The following PCDHGA5 variants were observed in gnomAD, a reference collection of about 807,000 sequenced individuals.
PCDHGA5 encodes protocadherin gamma subfamily A, 5, also known as protocadherin gamma-A5.
Under a neutral mutation model 56.7 loss-of-function variants are expected in PCDHGA5, and 36 were observed. That is an observed-to-expected ratio of 0.64 (90% confidence interval 0.49 to 0.84). The LOEUF (loss-of-function observed/expected upper bound fraction) is 0.84. PCDHGA5 is among the 40% of genes least tolerant of loss of function. PCDHGA5 has a pLI of 0.00. For synonymous variants in PCDHGA5, 563 were observed against 520.2 expected, an observed-to-expected ratio of 1.08 and a Z score of -1.12; for missense variants, 1,305 against 1,201.5, an observed-to-expected ratio of 1.09 and a Z score of -1.27.
intron 2 of PCDHGA5, among the ~76,000 whole-genome samples, chr5:141,500,793 A>G (rs1245472175): frequency 6.6e-6 from 1 of 152,210 alleles, no homozygotes; most frequent in Non-Finnish European, 1.5e-5. Context: ...ATTTTACAGA[A>G]TAAGTCCTCA....
At chr5:141,416,245 C>T (rs1029299377) in intron 1 of PCDHGA5, 1 of 152,234 alleles carries the variant, frequency 6.6e-6, no homozygotes, top group Non-Finnish European at 1.5e-5. Flanking sequence ...CTATTTATAA[C>T]TGATAACACT....
Position 141,478,516 on chromosome 5 carries a change from G to A in PCDHGA5, c.2422-16291G>A, listed in dbSNP as rs769702987. The A allele has an allele frequency of 4.3e-6, 7 of 1,610,992 alleles. No homozygotes were observed. In the African/African-American group the frequency reaches 8.0e-5, roughly 18 times the overall value. ...GTGATCCGGTGTTCTATAGGCAGGT[G>A]TTGGGTGCAGAGAGCGCCCCTCCCG... On this transcript the variant is annotated intron_variant, in intron 1 of 3. Transcript: ENST00000518069.
intron 1 of PCDHGA5, chr5:141,372,919 A>AT (rs1186389143): frequency 7.2e-5 from 73 of 1,017,918 alleles, no homozygotes; most frequent in Non-Finnish European, 9.7e-5. Context: ...TATTTTATTG[A>AT]TTTTCTGGTG....
chr5:141,490,796 A>G lies in PCDHGA5; in HGVS notation c.2422-4011A>G. ...CCAGAGGATGGACGGATCTTTGCCC[A>G]GCGTACCTTTGACTATGAATTGCTG... On this transcript the variant is annotated intron_variant, in intron 1 of 3. Coordinates refer to ENST00000518069, the MANE Select transcript of PCDHGA5 (RefSeq NM_018918.3). The surrounding 1 kb of genome is among the most constrained non-coding windows in gnomAD (Gnocchi z 5.4). The G allele has an allele frequency of 6.2e-7, 1 of 1,613,978 alleles. No individual in the cohort carries two copies. The highest frequency in any genetic ancestry group is 8.5e-7 in the Non-Finnish European group (1 of 1,179,904).
At chr5:141,439,412 T>G (rs2098111019) in intron 1 of PCDHGA5, among the ~76,000 whole-genome samples, 1 of 152,194 alleles carries the variant, frequency 6.6e-6, no homozygotes, top group Admixed American at 6.5e-5. Flanking sequence ...CTAACATCAC[T>G]GAGGTTATAA....
chr5:141,389,805 C>G (rs1222548961), intron 1 of PCDHGA5: 1 of 1,613,802 alleles, frequency 6.2e-7, no homozygotes, highest in East Asian at 2.2e-5. Flanking sequence ...CCAGCGCCTT[C>G]TGGTCGCCGT....
chr5:141,492,948 CA>C (rs2099745260), intron 1 of PCDHGA5, among the ~76,000 whole-genome samples: 1 of 152,188 alleles, frequency 6.6e-6, no homozygotes, highest in Non-Finnish European at 1.5e-5. Flanking sequence ...TGGAGGTGAC[CA>C]AACTATCTGA....
intron 1 of PCDHGA5, chr5:141,423,757 G>T (rs562479446): frequency 7.3e-5 from 29 of 395,130 alleles, no homozygotes; most frequent in Non-Finnish European, 9.5e-5. Flanking sequence ...GTTTGGGGGG[G>T]GGGTGGGGCG....
At chr5:141,475,988 A>C (rs1197163866) in intron 1 of PCDHGA5, 29 of 1,114,786 alleles carry the variant, frequency 2.6e-5, no homozygotes, top group Non-Finnish European at 3.2e-5. Context: ...GCCGGCGAGC[A>C]AATCAACGGC....
chr5:141,504,790 CT>C (rs1204741124), intron 2 of PCDHGA5, among the ~76,000 whole-genome samples: 15 of 152,080 alleles, frequency 9.9e-5, no homozygotes, highest in Admixed American at 3.9e-4. Context: ...TTGGGGCCTC[CT>C]ACATCTCCCC....
At chr5:141,464,009 T>C (rs1187492781) in intron 1 of PCDHGA5, among the ~76,000 whole-genome samples, 1 of 151,950 alleles carries the variant, frequency 6.6e-6, no homozygotes. Context: ...CTCATGCTTG[T>C]AATCCCACAC....
Position 141,394,128 on chromosome 5 carries a change from G to A in PCDHGA5, c.2421+27377G>A, listed in dbSNP as rs371610257. 2.0e-5 allele frequency: 32 copies of A among 1,613,612 alleles called. No homozygotes were observed. The highest frequency in any genetic ancestry group is 4.0e-5 in the African/African-American group (3 of 74,844). ...ACCTCTGTCCACTGAAACTCAAATC[G>A]CTCTGCACGTGGCAGACATTAACGA... On this transcript the variant is annotated intron_variant, in intron 1 of 3. Transcript: ENST00000518069.
At chr5:141,434,128 G>A (rs1267483739) in intron 1 of PCDHGA5, among the ~76,000 whole-genome samples, 1 of 152,138 alleles carries the variant, frequency 6.6e-6, no homozygotes, top group Non-Finnish European at 1.5e-5. Flanking sequence ...ACTCCCTTTA[G>A]GCTGATTTCT....
chr5:141,501,970 T>C (rs2099812082), intron 2 of PCDHGA5, among the ~76,000 whole-genome samples: 1 of 152,068 alleles, frequency 6.6e-6, no homozygotes. Flanking sequence ...TCCTAACCTC[T>C]GGCATCTGGT....
In PCDHGA5 at chr5:141,400,247, T is replaced by C; in HGVS notation, c.2421+33496T>C. 1 of 1,614,050 alleles carries C rather than the reference T, an allele frequency of 6.2e-7. No homozygotes were observed. Among genetic ancestry groups the C allele is most frequent in the East Asian group, 2.2e-5 (1 of 44,884 alleles). ...TTCCTCCTGGCCGTGATTCTGGCCG[T>C]TGCCTTGCGCCTGCGACGCTCCTCC... On this transcript the variant is annotated intron_variant, in intron 1 of 3. Transcript: ENST00000518069.
chr5:141,460,981 G>GTA (rs1491204135), intron 1 of PCDHGA5, among the ~76,000 whole-genome samples: 1,658 of 121,856 alleles, frequency 0.014, 27 homozygotes, highest in African/African-American at 0.051. Flanking sequence ...GTGTGTGTGT[G>GTA]TGTATATATA....
chr5:141,455,859 TATTA>T (rs2098833777), intron 1 of PCDHGA5, among the ~76,000 whole-genome samples: 1 of 143,846 alleles, frequency 7.0e-6, no homozygotes, highest in African/African-American at 2.5e-5. Flanking sequence ...TAATTTCTTT[TATTA>T]TTTATTTATT....
chr5:141,491,293 C>T lies in PCDHGA5; in HGVS notation c.2422-3514C>T. On this transcript the variant is annotated intron_variant, in intron 1 of 3. Transcript: ENST00000518069. This position sits in a 1 kb window ranked among gnomAD's most constrained non-coding sequence, Gnocchi z 6.9. Reference sequence around the variant, plus strand: ...ATCCAGTGACTTCCTCATACACCCTCCTGAGCGTTCAGACCTTACCCTTTA... The same window carrying T: ...ATCCAGTGACTTCCTCATACACCCTTCTGAGCGTTCAGACCTTACCCTTTA... 6.2e-7 allele frequency: 1 copy of T among 1,614,166 alleles called. No homozygotes were observed. The highest frequency in any genetic ancestry group is 1.3e-5 in the African/African-American group (1 of 75,058).
intron 1 of PCDHGA5, chr5:141,419,137 C>CAGGG: frequency 6.2e-7 from 1 of 1,613,892 alleles, no homozygotes; most frequent in Non-Finnish European, 8.5e-7. Context: ...CAGCCACAGA[C>CAGGG]AGGGGCAAGC....
Sources: gnomAD v4.1 joint callset for allele counts (sites outside exome capture counted in the v4.1 genomes callset) on GRCh38, gnomAD v4.1.1 for gene constraint, Gnocchi (gnomAD v3.1) non-coding constraint, MANE v1.5 for transcripts, NCBI Gene and HGNC (gene_info 2026-07-23, HGNC 2026-07-21) for gene names.